The following NRXN1 variants were observed in gnomAD, a reference collection of about 807,000 sequenced individuals.
The protein encoded by NRXN1 is neurexin-1.
NRXN1 carries 39 observed loss-of-function variants against 150.9 expected under a neutral mutation model. The ratio of observed to expected loss-of-function variants is 0.26; its 90% CI spans 0.20 to 0.34. The LOEUF (loss-of-function observed/expected upper bound fraction) is 0.34. Ranked by LOEUF, NRXN1 falls within the 10% of genes least tolerant of loss-of-function variation. The pLI, the probability that NRXN1 is intolerant of heterozygous loss-of-function variation, is 1.00. For missense variants in NRXN1, 1,815 were observed against 1,949.9 expected, an observed-to-expected ratio of 0.93 and a Z score of 1.30; for synonymous variants, 924 against 757.0, an observed-to-expected ratio of 1.22 and a Z score of -3.62.
chr2:50,185,482 A>C (rs2061006022), intron 18 of NRXN1: 1 of 152,020 alleles, frequency 6.6e-6, no homozygotes, highest in Non-Finnish European at 1.5e-5. Context: ...CTTCTTCCTA[A>C]GTGGGGCCAT....
chr2:50,987,131 T>G (rs1697845889), intron 2 of NRXN1, among the ~76,000 whole-genome samples: 1 of 151,968 alleles, frequency 6.6e-6, no homozygotes, highest in African/African-American at 2.4e-5. Context: ...TTTTTTTCAC[T>G]GTCAGTCTTA....
chr2:50,114,217 C>T (rs1256097816), intron 18 of NRXN1, among the ~76,000 whole-genome samples: 1 of 151,940 alleles, frequency 6.6e-6, no homozygotes, highest in East Asian at 1.9e-4. Context: ...TCTGAAATTA[C>T]CAAAATGAGA....
intron 5 of NRXN1, among the ~76,000 whole-genome samples, chr2:50,909,144 A>G (rs1177761859): frequency 1.3e-5 from 2 of 152,110 alleles, no homozygotes; most frequent in Non-Finnish European, 2.9e-5. Flanking sequence ...GATAAATTCA[A>G]TAACTATCTT....
chr2:50,875,152 T>C (rs1276295224), intron 5 of NRXN1, among the ~76,000 whole-genome samples: 2 of 151,834 alleles, frequency 1.3e-5, no homozygotes, highest in Non-Finnish European at 1.5e-5. Context: ...GTTTCTTTTG[T>C]TGTTTTGAGA....
At chr2:50,808,843 C>A (rs550319061) in intron 5 of NRXN1, among the ~76,000 whole-genome samples, 1 of 152,196 alleles carries the variant, frequency 6.6e-6, no homozygotes, top group South Asian at 2.1e-4. Context: ...GATCTTAGAA[C>A]CATAACAAGC....
At chr2:50,618,755 T>A (rs2104218234) in intron 8 of NRXN1, among the ~76,000 whole-genome samples, 1 of 150,338 alleles carries the variant, frequency 6.7e-6, no homozygotes, top group African/African-American at 2.4e-5. Context: ...TCTGGAAATA[T>A]TAGTACTATA....
chr2:50,915,547 G>A (rs1685098089), intron 5 of NRXN1, among the ~76,000 whole-genome samples: 3 of 151,504 alleles, frequency 2.0e-5, no homozygotes, highest in Admixed American at 1.3e-4. Context: ...TTTGATTGAG[G>A]ATAATCAATC....
At chr2:50,433,219 T>C (rs1348498649) in intron 17 of NRXN1, among the ~76,000 whole-genome samples, 1 of 152,250 alleles carries the variant, frequency 6.6e-6, no homozygotes, top group East Asian at 1.9e-4. Flanking sequence ...TGCAGTCTTA[T>C]TTCTAGACTT....
intron 2 of NRXN1, among the ~76,000 whole-genome samples, chr2:50,977,489 G>C (rs761853547): frequency 2.0e-5 from 3 of 151,886 alleles, no homozygotes; most frequent in Non-Finnish European, 4.4e-5. Context: ...ATATGCCTCA[G>C]TAAGAAGAAG....
chr2:50,555,596 T>C (rs1389285907), intron 8 of NRXN1, among the ~76,000 whole-genome samples: 6 of 152,196 alleles, frequency 3.9e-5, no homozygotes, highest in Admixed American at 3.9e-4. Flanking sequence ...AGCACCAAGA[T>C]CAGTGGCTGG....
intron 17 of NRXN1, among the ~76,000 whole-genome samples, chr2:50,303,402 G>T (rs915414828): frequency 3.3e-5 from 5 of 152,224 alleles, no homozygotes; most frequent in East Asian, 1.9e-4. Flanking sequence ...CAAATTAATT[G>T]AAACTCATGT....
intron 8 of NRXN1, among the ~76,000 whole-genome samples, chr2:50,595,423 G>GAAAAAAAAA (rs112426586): frequency 7.1e-6 from 1 of 139,996 alleles, no homozygotes. Flanking sequence ...GTAAAAAAAG[G>GAAAAAAAAA]AAAAAAAAAA....
intron 17 of NRXN1, among the ~76,000 whole-genome samples, chr2:50,315,811 T>A (rs1251216872): frequency 1.3e-5 from 2 of 152,172 alleles, no homozygotes; most frequent in Non-Finnish European, 2.9e-5. Flanking sequence ...TTTGAAGTTG[T>A]ATTCAGAGGT....
intron 2 of NRXN1, among the ~76,000 whole-genome samples, chr2:50,949,308 G>T (rs915851870): frequency 6.6e-6 from 1 of 152,022 alleles, no homozygotes; most frequent in South Asian, 2.1e-4. Flanking sequence ...TGAAAGTGTT[G>T]CTGGTTTTAA....
rs5831082 is a variant in NRXN1 at position 50,093,115 on chromosome 2, TAA to T, written c.3547-1623_3547-1622del. ...TGCATGCTTACAAAAAGGTCTGAGC[TAA>T]AAAAAAATCTTTAAAAAAATCTCCA... is the stretch of plus-strand genomic sequence containing the variant. On this transcript the variant is annotated intron_variant, in intron 18 of 22. Coordinates refer to ENST00000401669, the MANE Select transcript of NRXN1 (RefSeq NM_001330078.2). 2.6e-5 allele frequency among the ~76,000 whole-genome samples: 4 copies of T among 151,676 alleles called. No homozygotes were observed. In the East Asian group the frequency reaches 7.8e-4, roughly 30 times the overall value.
intron 8 of NRXN1, among the ~76,000 whole-genome samples, chr2:50,573,518 A>G (rs1396629182): frequency 6.6e-6 from 1 of 152,114 alleles, no homozygotes; most frequent in Non-Finnish European, 1.5e-5. Context: ...TAGAAGGTAT[A>G]AGGTTAACTA....
chr2:50,434,041 C>G (rs1196331499), intron 17 of NRXN1, among the ~76,000 whole-genome samples: 2 of 131,634 alleles, frequency 1.5e-5, no homozygotes, highest in African/African-American at 3.1e-5. Flanking sequence ...GGTATCTAAG[C>G]CATTTTTTTT....
intron 18 of NRXN1, among the ~76,000 whole-genome samples, chr2:50,182,229 A>T (rs541168442): frequency 1.3e-5 from 2 of 151,976 alleles, no homozygotes; most frequent in East Asian, 3.9e-4. Flanking sequence ...ACTCTCAATA[A>T]ATGTTAGATC....
At chr2:50,191,764 T>C (rs1203557271) in intron 18 of NRXN1, among the ~76,000 whole-genome samples, 1 of 152,232 alleles carries the variant, frequency 6.6e-6, no homozygotes, top group East Asian at 1.9e-4. Context: ...CAATAGTTTA[T>C]TCCTTTTTAT....
Sources: allele counts gnomAD v4.1 joint callset (sites outside exome capture counted in the v4.1 genomes callset), GRCh38; gene constraint gnomAD v4.1.1; transcripts MANE v1.5; gene names NCBI Gene and HGNC (gene_info 2026-07-23, HGNC 2026-07-21).